Variants in KCNMA1 observed in about 807,000 individuals in gnomAD.
The protein encoded by KCNMA1 is Calcium-activated potassium channel subunit alpha-1.
In KCNMA1, 29 loss-of-function variants were observed where a neutral mutation model predicts 140.0. The observed-to-expected ratio is 0.21, with a 90% CI of 0.15 to 0.28. KCNMA1 has a LOEUF of 0.28. KCNMA1 is among the 10% of genes least tolerant of loss of function. The pLI is 1.00. For missense variants in KCNMA1, 880 were observed against 1,602.2 expected (o/e 0.55, Z 7.70); for synonymous variants, 612 against 611.9 (o/e 1.00, Z 0.00).
intron 1 of KCNMA1, among the ~76,000 whole-genome samples, chr10:77,433,309 C>T (rs1396706040): frequency 6.6e-6 from 1 of 152,090 alleles, no homozygotes; most frequent in Non-Finnish European, 1.5e-5. Flanking sequence ...CACACCACCA[C>T]ATCTGGCTAA....
chr10:77,618,685 C>G (rs2090380440), intron 1 of KCNMA1, among the ~76,000 whole-genome samples: 1 of 152,220 alleles, frequency 6.6e-6, no homozygotes, highest in Non-Finnish European at 1.5e-5. Flanking sequence ...CTGAACTGCT[C>G]TGGGCTTCAG....
intron 1 of KCNMA1, among the ~76,000 whole-genome samples, chr10:77,437,859 C>A (rs1420916712): frequency 6.6e-6 from 1 of 152,088 alleles, no homozygotes. Context: ...TGCATGCGAT[C>A]AGGAGTGACA....
chr10:77,634,609 G>T, intron 1 of KCNMA1: 1 of 985,336 alleles, frequency 1.0e-6, no homozygotes, highest in Non-Finnish European at 1.2e-6. Context: ...CTGAAGGAGG[G>T]TGAGGGTGAA....
rs36034012 is a variant in KCNMA1 at position 77,295,787 on chromosome 10, C to CAAAAAAAAAAAAA, written c.541-44544_541-44532dup. Among the ~76,000 whole-genome samples the CAAAAAAAAAAAAA allele has an allele frequency of 8.3e-4, 36 of 43,254 alleles. 1 individual carries two copies. The highest frequency in any genetic ancestry group is 1.4e-3 in the Admixed American group (4 of 2,810). 28.4% of individuals were successfully genotyped at this position (43,254 alleles called of 152,430 possible). ...TGGGCGACAGAGCGAGACTCCGTCT[C>CAAAAAAAAAAAAA]AAAAAAAAAAAAAAAAAAAAAAAAA... On this transcript the variant is annotated intron_variant, in intron 2 of 27. Transcript: ENST00000286628.
At chr10:77,636,404 T>C in intron 1 of KCNMA1, 1 of 1,536,080 alleles carries the variant, frequency 6.5e-7, no homozygotes, top group South Asian at 1.2e-5. Flanking sequence ...CGACGACATC[T>C]AGCCACCTCG....
chr10:76,969,917 AG>A, intron 20 of KCNMA1, 56 bp downstream of exon 20: 1 of 1,371,410 alleles, frequency 7.3e-7, no homozygotes, highest in Non-Finnish European at 1.0e-6. Flanking sequence ...GGAGAGGGCG[AG>A]GGGAGGAAGA....
intron 2 of KCNMA1, among the ~76,000 whole-genome samples, chr10:77,254,288 C>A (rs942816413): frequency 6.7e-6 from 1 of 149,064 alleles, no homozygotes; most frequent in African/African-American, 2.5e-5. Flanking sequence ...GTGGCGCGAT[C>A]TCAGTTCACT....
chr10:77,525,521 C>T (rs2055250577), intron 1 of KCNMA1, among the ~76,000 whole-genome samples: 1 of 152,224 alleles, frequency 6.6e-6, no homozygotes, highest in Non-Finnish European at 1.5e-5. Flanking sequence ...GTACTGCTCC[C>T]AGGCTGTGTG....
chr10:77,216,756 A>G (rs1048253902), intron 3 of KCNMA1, among the ~76,000 whole-genome samples: 5 of 152,228 alleles, frequency 3.3e-5, no homozygotes, highest in Non-Finnish European at 7.3e-5. Context: ...ATTTTATCAA[A>G]TGAGTATTAT....
At chr10:77,032,481 T>G (rs759431615) in intron 15 of KCNMA1, among the ~76,000 whole-genome samples, 6 of 152,152 alleles carry the variant, frequency 3.9e-5, no homozygotes, top group Non-Finnish European at 8.8e-5. Context: ...TAGCAATAAT[T>G]TAATTATTGG....
Position 76,951,913 on chromosome 10 carries a change from T to G in KCNMA1, c.2484+1888A>C, listed in dbSNP as rs1284571540. The G allele has an allele frequency of 3.2e-6, 3 of 929,788 alleles. No homozygotes were observed. In the African/African-American group the frequency reaches 4.9e-5, roughly 15 times the overall value. The allele number at this position is 929,788 out of a possible 1,614,324, so 57.6% of individuals were successfully genotyped here. On this transcript the variant is annotated intron_variant, in intron 21 of 27. Transcript: ENST00000286628. ...CCACCCTGCTAGAACACAAGCTCTG[T>G]GAGAGCAGTCGTTGTCAGGGATTGC...
chr10:77,044,613 C>T (rs973306526), intron 14 of KCNMA1, among the ~76,000 whole-genome samples: 2 of 152,168 alleles, frequency 1.3e-5, no homozygotes, highest in South Asian at 4.1e-4. Flanking sequence ...TGCGCCACTG[C>T]ACTCCAGCAT....
intron 3 of KCNMA1, among the ~76,000 whole-genome samples, chr10:77,237,715 C>T (rs2154219091): frequency 6.6e-6 from 1 of 152,240 alleles, no homozygotes; most frequent in Admixed American, 6.5e-5. Flanking sequence ...ATGTGAGCCA[C>T]CCTGCCCAGC....
At chr10:77,136,381 G>A (rs1049956009) in intron 5 of KCNMA1, among the ~76,000 whole-genome samples, 1 of 152,064 alleles carries the variant, frequency 6.6e-6, no homozygotes, top group Non-Finnish European at 1.5e-5. Context: ...TTAAAATAGC[G>A]ATTACCAGGA....
chr10:77,478,598 C>A (rs1017237036), intron 1 of KCNMA1, among the ~76,000 whole-genome samples: 1 of 152,126 alleles, frequency 6.6e-6, no homozygotes, highest in Non-Finnish European at 1.5e-5. Flanking sequence ...TTACTCCAAG[C>A]CAGGTATACT....
chr10:76,998,159 A>C (rs1214384621), intron 19 of KCNMA1, among the ~76,000 whole-genome samples: 1 of 152,266 alleles, frequency 6.6e-6, no homozygotes, highest in East Asian at 1.9e-4. Flanking sequence ...AGAGGGGTGC[A>C]CCGAGCAGGC....
In KCNMA1 at chr10:77,456,238, C is replaced by A. The variant is rs1189510543; in HGVS notation, c.379-52215G>T. On this transcript the variant is annotated intron_variant, in intron 1 of 27. Coordinates refer to ENST00000286628, the MANE Select transcript of KCNMA1 (RefSeq NM_001161352.2). ...ATTCTTCTTCCTCTGCTCATTCCCA[C>A]CCCAGGGACTTTGCACTGGCTTTTG... Among the ~76,000 whole-genome samples the A allele has an allele frequency of 3.3e-5, 5 of 152,310 alleles. No individual in the cohort carries two copies. The East Asian group carries it at 9.6e-4, about 29-fold the overall frequency.
intron 5 of KCNMA1, among the ~76,000 whole-genome samples, chr10:77,165,951 C>T (rs1274837789): frequency 6.6e-6 from 1 of 152,168 alleles, no homozygotes; most frequent in Non-Finnish European, 1.5e-5. Flanking sequence ...ACACATTTTT[C>T]AGAACAGTCT....
At chr10:76,909,938 G>A in intron 25 of KCNMA1, 28 bp downstream of exon 25, 1 of 1,610,406 alleles carries the variant, frequency 6.2e-7, no homozygotes, top group Non-Finnish European at 8.5e-7. Context: ...CCACCCTTGA[G>A]TGAGGAGGAG....
Sources: allele counts gnomAD v4.1 joint callset (sites outside exome capture counted in the v4.1 genomes callset), GRCh38; gene constraint gnomAD v4.1.1; transcripts MANE v1.5; gene names NCBI Gene and HGNC (gene_info 2026-07-23, HGNC 2026-07-21).